Variants in CADM2 observed in about 807,000 individuals in gnomAD.
CADM2 encodes the protein cell adhesion molecule 2, also known as immunoglobulin superfamily member 4D.
CADM2 carries 12 observed loss-of-function variants against 49.8 expected under a neutral mutation model. That is an observed-to-expected ratio of 0.24 (90% CI 0.15 to 0.39). CADM2 has a LOEUF of 0.39. Among genes scored for constraint, CADM2 ranks in the 10% least tolerant of loss-of-function variants. The pLI, the probability that CADM2 is intolerant of heterozygous loss-of-function variation, is 1.00. For missense variants in CADM2, 378 were observed against 492.3 expected, an observed-to-expected ratio of 0.77 and a Z score of 2.20; for synonymous variants, 214 against 175.4, an observed-to-expected ratio of 1.22 and a Z score of -1.74.
intron 1 of CADM2, among the ~76,000 whole-genome samples, chr3:85,059,096 G>A (rs2036202118): frequency 6.6e-6 from 1 of 151,808 alleles, no homozygotes; most frequent in South Asian, 2.1e-4. Context: ...AGAATTAGCT[G>A]GGAGTGGTGG....
At chr3:85,693,566 CAA>C (rs562723713) in intron 1 of CADM2, among the ~76,000 whole-genome samples, 6 of 76,090 alleles carry the variant, frequency 7.9e-5, no homozygotes, top group Admixed American at 1.6e-4. Context: ...GGCGAAAGAG[CAA>C]AAAAAAAAAA....
chr3:85,981,110 T>C (rs1352721585), intron 8 of CADM2, among the ~76,000 whole-genome samples: 1 of 151,216 alleles, frequency 6.6e-6, no homozygotes, highest in East Asian at 1.9e-4. Flanking sequence ...GGTCTTCCGG[T>C]CTTTTGAAAA....
At chr3:85,293,343 G>T (rs974630792) in intron 1 of CADM2, among the ~76,000 whole-genome samples, 2 of 150,628 alleles carry the variant, frequency 1.3e-5, no homozygotes, top group African/African-American at 4.9e-5. Context: ...ATTCACAGCC[G>T]AATTCTACCA....
intron 1 of CADM2, among the ~76,000 whole-genome samples, chr3:85,292,226 C>T (rs1482354016): frequency 1.3e-5 from 2 of 149,486 alleles, no homozygotes; most frequent in African/African-American, 2.6e-5. Flanking sequence ...ATCAATTCAA[C>T]AAGAAGAGCT....
intron 1 of CADM2, among the ~76,000 whole-genome samples, chr3:85,497,479 G>A (rs2039953322): frequency 2.0e-5 from 3 of 152,016 alleles, no homozygotes; most frequent in Non-Finnish European, 4.4e-5. Flanking sequence ...ACTTTTATTT[G>A]ATGAAAAAGA....
At chr3:85,164,268 A>C (rs989564428) in intron 1 of CADM2, among the ~76,000 whole-genome samples, 24 of 152,062 alleles carry the variant, frequency 1.6e-4, no homozygotes, top group African/African-American at 5.8e-4. Flanking sequence ...AGATACTGGC[A>C]AGTATAATAA....
At chr3:85,305,613 C>T (rs2044194496) in intron 1 of CADM2, among the ~76,000 whole-genome samples, 1 of 151,568 alleles carries the variant, frequency 6.6e-6, no homozygotes, top group Admixed American at 6.6e-5. Context: ...ATCTATATTG[C>T]AAAATGGGTT....
intron 1 of CADM2, among the ~76,000 whole-genome samples, chr3:85,705,113 G>T (rs560203339): frequency 8.9e-4 from 131 of 147,170 alleles, no homozygotes; most frequent in Non-Finnish European, 1.7e-3. Context: ...TGATCCACCC[G>T]TCTGGGCCTC....
intron 1 of CADM2, among the ~76,000 whole-genome samples, chr3:85,414,411 G>A (rs1219307284): frequency 6.6e-6 from 1 of 152,096 alleles, no homozygotes; most frequent in African/African-American, 2.4e-5. Flanking sequence ...TCCTTTAAAT[G>A]GTCATAGCAA....
intron 1 of CADM2, among the ~76,000 whole-genome samples, chr3:85,248,556 G>T (rs9855964): frequency 6.6e-6 from 1 of 152,092 alleles, no homozygotes; most frequent in Non-Finnish European, 1.5e-5. Flanking sequence ...GATTACAGGC[G>T]TGAGCAAACA....
intron 8 of CADM2, among the ~76,000 whole-genome samples, chr3:86,004,238 G>A (rs1730514483): frequency 6.6e-6 from 1 of 152,088 alleles, no homozygotes; most frequent in Non-Finnish European, 1.5e-5. Context: ...TAGCATAAGA[G>A]TTACACATTG....
chr3:84,982,554 A>G (rs1380844316), intron 1 of CADM2, among the ~76,000 whole-genome samples: 1 of 151,422 alleles, frequency 6.6e-6, no homozygotes, highest in Non-Finnish European at 1.5e-5. Context: ...TAAAAACAAT[A>G]CTAGTCTAGA....
At chr3:85,569,683 G>C (rs2062418642) in intron 1 of CADM2, among the ~76,000 whole-genome samples, 1 of 138,194 alleles carries the variant, frequency 7.2e-6, no homozygotes, top group South Asian at 2.3e-4. Flanking sequence ...ATGTTTTTTA[G>C]AGGAACCTTT....
At chr3:85,312,528 A>G (rs546375926) in intron 1 of CADM2, among the ~76,000 whole-genome samples, 7 of 152,122 alleles carry the variant, frequency 4.6e-5, no homozygotes, top group Non-Finnish European at 1.0e-4. Flanking sequence ...GCTATGAATT[A>G]TCCATAGGAA....
At chr3:85,197,186 A>T (rs1413913365) in intron 1 of CADM2, among the ~76,000 whole-genome samples, 1 of 151,832 alleles carries the variant, frequency 6.6e-6, no homozygotes, top group African/African-American at 2.4e-5. Flanking sequence ...TTATTGAGTT[A>T]TTGAACAAAA....
At chr3:85,265,534 T>C (rs1312306184) in intron 1 of CADM2, among the ~76,000 whole-genome samples, 1 of 151,886 alleles carries the variant, frequency 6.6e-6, no homozygotes. Flanking sequence ...AACAAATCCA[T>C]TCCCGGAGTA....
intron 1 of CADM2, among the ~76,000 whole-genome samples, chr3:85,203,749 T>A (rs1162197729): frequency 6.6e-6 from 1 of 152,176 alleles, no homozygotes; most frequent in East Asian, 1.9e-4. Flanking sequence ...TTGACCATAT[T>A]TCTTACTAGC....
chr3:85,614,818 C>G (rs1371405602), intron 1 of CADM2, among the ~76,000 whole-genome samples: 1 of 151,926 alleles, frequency 6.6e-6, no homozygotes, highest in Non-Finnish European at 1.5e-5. Flanking sequence ...AGCTACATTG[C>G]TACTTCACTT....
Position 85,548,246 on chromosome 3 carries a change from G to A in CADM2, c.62-178276G>A, listed in dbSNP as rs1486392714. On this transcript the variant is annotated intron_variant, in intron 1 of 9. Coordinates refer to ENST00000383699, the MANE Select transcript of CADM2 (RefSeq NM_001167675.2). ...CTCCTATTTATTTGGAGTTTGCTTG[G>A]AACTCCTATTTAATCCTCACATTTA... 4.5e-5 allele frequency among the ~76,000 whole-genome samples: 2 copies of A among 44,448 alleles called. 1 individual carries two copies. The highest frequency in any genetic ancestry group is 1.9e-4 in the Non-Finnish European group (2 of 10,600). The allele number at this position is 44,448 out of a possible 152,430, so 29.2% of individuals were successfully genotyped here. A position where few individuals can be genotyped will look rare whatever the true frequency, so the allele number is the denominator to read the frequency against.
Sources: gnomAD v4.1 joint callset for allele counts (sites outside exome capture counted in the v4.1 genomes callset) on GRCh38, gnomAD v4.1.1 for gene constraint, MANE v1.5 for transcripts, NCBI Gene and HGNC (gene_info 2026-07-23, HGNC 2026-07-21) for gene names.